EYS: variants seen among roughly 807,000 people sequenced by gnomAD.
EYS encodes the protein protein eyes shut homolog.
EYS carries 250 observed loss-of-function variants against 282.1 expected under a neutral mutation model. The observed-to-expected ratio is 0.89, with a 90% CI of 0.80 to 0.98. EYS has a LOEUF of 0.98. EYS is among the 50% of genes least tolerant of loss of function. The probability of loss-of-function intolerance (pLI) is 0.00; values close to 1 mark genes in which losing one functional copy is unlikely to be tolerated. For synonymous variants in EYS, 1,355 were observed against 1,282.9 expected, an observed-to-expected ratio of 1.06 and a Z score of -1.20; for missense variants, 4,016 against 3,709.0, an observed-to-expected ratio of 1.08 and a Z score of -2.15.
intron 39 of EYS, among the ~76,000 whole-genome samples, chr6:63,782,355 A>G (rs1429008657): frequency 4.6e-5 from 7 of 152,192 alleles, no homozygotes; most frequent in Admixed American, 4.6e-4. Flanking sequence ...CTCTGGTGGA[A>G]TTCAGCTGTG....
intron 22 of EYS, among the ~76,000 whole-genome samples, chr6:64,766,590 C>T (rs1278511383): frequency 3.8e-5 from 5 of 131,878 alleles, no homozygotes; most frequent in African/African-American, 1.4e-4. Context: ...CAAGATCATG[C>T]CATTGCACTC....
chr6:65,592,181 A>G (rs1765255968), intron 2 of EYS, among the ~76,000 whole-genome samples: 1 of 152,038 alleles, frequency 6.6e-6, no homozygotes, highest in African/African-American at 2.4e-5. Context: ...GTTTTCTAAA[A>G]AATGAACATT....
At chr6:64,118,731 A>C (rs544301921) in intron 31 of EYS, among the ~76,000 whole-genome samples, 5 of 152,142 alleles carry the variant, frequency 3.3e-5, no homozygotes, top group Admixed American at 6.5e-5. Flanking sequence ...AGGAAAAATC[A>C]ACAGAATGAA....
chr6:64,098,979 C>T (rs1328883477), intron 31 of EYS, among the ~76,000 whole-genome samples: 1 of 152,114 alleles, frequency 6.6e-6, no homozygotes, highest in Non-Finnish European at 1.5e-5. Flanking sequence ...TTATGCAAGA[C>T]AAATTATAAA....
chr6:64,633,274 T>G (rs769137890), intron 22 of EYS, among the ~76,000 whole-genome samples: 9 of 152,168 alleles, frequency 5.9e-5, no homozygotes, highest in Non-Finnish European at 1.2e-4. Context: ...AAAAAGGACA[T>G]TAACTACACC....
At chr6:63,809,076 G>T (rs67725686) in intron 36 of EYS, among the ~76,000 whole-genome samples, 1 of 152,056 alleles carries the variant, frequency 6.6e-6, no homozygotes, top group Non-Finnish European at 1.5e-5. Context: ...ACTTCAAGGG[G>T]CTTTTTCTTT....
chr6:65,016,923 C>T (rs1051985194), intron 13 of EYS, among the ~76,000 whole-genome samples: 2 of 152,108 alleles, frequency 1.3e-5, no homozygotes, highest in Non-Finnish European at 2.9e-5. Context: ...TGGTAATGGA[C>T]ATTGTATATC....
intron 19 of EYS, among the ~76,000 whole-genome samples, chr6:64,854,348 C>A (rs572502464): frequency 2.0e-5 from 3 of 151,970 alleles, no homozygotes; most frequent in African/African-American, 4.8e-5. Flanking sequence ...TTGGAACCAA[C>A]CCAAATGTCC....
At chr6:65,204,790 A>T (rs1227022914) in intron 12 of EYS, among the ~76,000 whole-genome samples, 1 of 150,694 alleles carries the variant, frequency 6.6e-6, no homozygotes, top group African/African-American at 2.5e-5. Context: ...TCTACATTCC[A>T]GAATAATATA....
intron 22 of EYS, 26 bp downstream of exon 22, chr6:64,813,352 T>C (rs1764652252): frequency 6.6e-7 from 1 of 1,512,048 alleles, no homozygotes; most frequent in Non-Finnish European, 8.9e-7. Flanking sequence ...ATATATTTAC[T>C]TACTTGTGGG....
intron 30 of EYS, among the ~76,000 whole-genome samples, chr6:64,283,607 G>A (rs564585359): frequency 6.6e-6 from 1 of 152,164 alleles, no homozygotes; most frequent in Admixed American, 6.6e-5. Context: ...TCACAAGCTG[G>A]AGGGAAATCC....
At chr6:65,121,624 A>G (rs1363576997) in intron 12 of EYS, among the ~76,000 whole-genome samples, 1 of 152,194 alleles carries the variant, frequency 6.6e-6, no homozygotes, top group East Asian at 1.9e-4. Flanking sequence ...TGTATAATGG[A>G]GAATGATCAG....
rs1297003141 is a variant in EYS at position 65,112,821 on chromosome 6, A to T, written c.2024-55094T>A. On this transcript the variant is annotated intron_variant, in intron 12 of 42. Coordinates refer to ENST00000503581, the MANE Select transcript of EYS (RefSeq NM_001142800.2). ...GCAGCTATTTCTCTACCAGTTGAAG[A>T]TAATAAAATACTTTACTAAGTAGTC... Among the ~76,000 whole-genome samples the T allele has an allele frequency of 3.3e-5, 5 of 152,294 alleles. No homozygotes were observed. In the East Asian group the frequency reaches 9.6e-4, roughly 29 times the overall value.
At chr6:64,151,229 G>A (rs184565416) in intron 31 of EYS, among the ~76,000 whole-genome samples, 86 of 146,292 alleles carry the variant, frequency 5.9e-4, no homozygotes, top group African/African-American at 2.0e-3. Flanking sequence ...TTTAAAGAAT[G>A]TTTGTTAAAG....
intron 13 of EYS, among the ~76,000 whole-genome samples, chr6:65,008,395 T>C (rs1237524621): frequency 6.6e-6 from 1 of 152,012 alleles, no homozygotes; most frequent in East Asian, 1.9e-4. Context: ...AGAAACCCTA[T>C]TGAACGTGGC....
chr6:64,093,419 T>G (rs1297483698), intron 31 of EYS, among the ~76,000 whole-genome samples: 1 of 152,202 alleles, frequency 6.6e-6, no homozygotes, highest in African/African-American at 2.4e-5. Flanking sequence ...TTGTATCCTC[T>G]TTTATTTCAT....
chr6:63,844,174 AG>A (rs1441648816), intron 36 of EYS, among the ~76,000 whole-genome samples: 1 of 152,166 alleles, frequency 6.6e-6, no homozygotes, highest in South Asian at 2.1e-4. Flanking sequence ...GTCCCGGCAA[AG>A]GACATGAATT....
At chr6:65,560,497 C>A (rs1265347361) in intron 2 of EYS, among the ~76,000 whole-genome samples, 1 of 149,498 alleles carries the variant, frequency 6.7e-6, no homozygotes, top group Non-Finnish European at 1.5e-5. Context: ...TTGTAACTTT[C>A]ACTTCAAAAA....
At chr6:64,031,146 G>C (rs1029917931) in intron 33 of EYS, among the ~76,000 whole-genome samples, 2 of 152,242 alleles carry the variant, frequency 1.3e-5, no homozygotes, top group African/African-American at 4.8e-5. Context: ...CAGCTTGCGG[G>C]GAGGTGTGGA....
Sources: allele counts gnomAD v4.1 joint callset (sites outside exome capture counted in the v4.1 genomes callset), GRCh38; gene constraint gnomAD v4.1.1; transcripts MANE v1.5; gene names NCBI Gene and HGNC (gene_info 2026-07-23, HGNC 2026-07-21).